The following PLPPR5 variants were observed in gnomAD, a reference collection of about 807,000 sequenced individuals.
PLPPR5 encodes phospholipid phosphatase-related protein type 5.
PLPPR5 carries 16 observed loss-of-function variants against 33.9 expected under a neutral mutation model. The observed-to-expected ratio is 0.47, with a 90% CI of 0.32 to 0.72. The LOEUF is 0.72. Ranked by LOEUF, PLPPR5 falls within the 30% of genes least tolerant of loss-of-function variation. The pLI is 0.03. For synonymous variants in PLPPR5, 163 were observed against 150.3 expected (o/e 1.08, Z -0.62); for missense variants, 301 against 406.7 (o/e 0.74, Z 2.23).
intron 1 of PLPPR5, among the ~76,000 whole-genome samples, chr1:99,003,095 A>G (rs949971641): frequency 3.1e-5 from 4 of 129,338 alleles, no homozygotes; most frequent in Non-Finnish European, 5.0e-5. Flanking sequence ...ATATATATAT[A>G]TGTAAAACAT....
At chr1:98,938,729 T>C (rs1362511473) in intron 3 of PLPPR5, among the ~76,000 whole-genome samples, 1 of 152,060 alleles carries the variant, frequency 6.6e-6, no homozygotes, top group African/African-American at 2.4e-5. Flanking sequence ...GAAGTCTAAA[T>C]TCCCATCAAT....
intron 1 of PLPPR5, among the ~76,000 whole-genome samples, chr1:98,982,678 T>C (rs1652098385): frequency 6.6e-6 from 1 of 152,060 alleles, no homozygotes; most frequent in Admixed American, 6.6e-5. Flanking sequence ...GATCTTTGAA[T>C]TAAATGTGTT....
At chr1:98,991,916 G>C (rs559209447) in intron 1 of PLPPR5, among the ~76,000 whole-genome samples, 22 of 152,172 alleles carry the variant, frequency 1.4e-4, no homozygotes, top group Non-Finnish European at 2.9e-4. Flanking sequence ...AGAGCAAGGA[G>C]GAACACGTAC....
intron 3 of PLPPR5, among the ~76,000 whole-genome samples, chr1:98,938,777 A>G (rs1341504411): frequency 2.0e-5 from 3 of 152,142 alleles, no homozygotes; most frequent in Admixed American, 6.5e-5. Context: ...CATATATACC[A>G]TGGAATACTA....
intron 3 of PLPPR5, among the ~76,000 whole-genome samples, chr1:98,922,303 A>G (rs1302674367): frequency 6.6e-6 from 1 of 152,214 alleles, no homozygotes; most frequent in Non-Finnish European, 1.5e-5. Flanking sequence ...TTAGCATAAC[A>G]TTCTTAATCA....
At chr1:98,994,057 G>A (rs575155021) in intron 1 of PLPPR5, among the ~76,000 whole-genome samples, 2 of 152,148 alleles carry the variant, frequency 1.3e-5, no homozygotes, top group East Asian at 3.9e-4. Context: ...TGAAGGAGTG[G>A]TGGGGGCTGG....
chr1:98,906,949 A>G (rs989723926), intron 5 of PLPPR5, among the ~76,000 whole-genome samples: 9 of 152,186 alleles, frequency 5.9e-5, no homozygotes, highest in Non-Finnish European at 1.2e-4. Flanking sequence ...TTTCTCAGAT[A>G]TCAATTTAAT....
At chr1:98,938,453 T>G (rs970318112) in intron 3 of PLPPR5, among the ~76,000 whole-genome samples, 1 of 148,732 alleles carries the variant, frequency 6.7e-6, no homozygotes, top group East Asian at 1.9e-4. Flanking sequence ...GTATTTTTAC[T>G]GGGTAAGTGC....
At chr1:98,932,595 G>A (rs1357404560) in intron 3 of PLPPR5, among the ~76,000 whole-genome samples, 1 of 152,160 alleles carries the variant, frequency 6.6e-6, no homozygotes, top group African/African-American at 2.4e-5. Flanking sequence ...TTTTAGGTGT[G>A]TAGTAGTTAC....
At chr1:99,002,709 C>T (rs1652896408) in intron 1 of PLPPR5, among the ~76,000 whole-genome samples, 2 of 152,078 alleles carry the variant, frequency 1.3e-5, no homozygotes, top group African/African-American at 4.8e-5. Flanking sequence ...TAGCACCTGC[C>T]ACCATGATTG....
At chr1:98,944,726 G>A (rs1448125581) in intron 3 of PLPPR5, among the ~76,000 whole-genome samples, 1 of 152,240 alleles carries the variant, frequency 6.6e-6, no homozygotes. Flanking sequence ...GCAAGAAAGG[G>A]CTCTGCAGCA....
At chr1:98,963,057 A>G (rs968173975) in intron 1 of PLPPR5, among the ~76,000 whole-genome samples, 2 of 152,210 alleles carry the variant, frequency 1.3e-5, no homozygotes, top group East Asian at 3.9e-4. Context: ...TTACAGCTTC[A>G]GCAATTCCTA....
At chr1:98,999,233 T>C (rs1274617753) in intron 1 of PLPPR5, among the ~76,000 whole-genome samples, 5 of 152,204 alleles carry the variant, frequency 3.3e-5, no homozygotes, top group African/African-American at 4.8e-5. Flanking sequence ...GAAAGCCTAA[T>C]AGGAGCTAAC....
chr1:98,957,452 C>G (rs1375893112), intron 1 of PLPPR5, among the ~76,000 whole-genome samples: 1 of 151,736 alleles, frequency 6.6e-6, no homozygotes, highest in African/African-American at 2.4e-5. Context: ...AGGAAGCACT[C>G]ATTTATTTTT....
intron 3 of PLPPR5, among the ~76,000 whole-genome samples, chr1:98,927,543 A>G (rs1649812232): frequency 6.6e-6 from 1 of 152,156 alleles, no homozygotes; most frequent in African/African-American, 2.4e-5. Flanking sequence ...TGCCCTCCCA[A>G]GCTCTGCTGC....
At chr1:98,942,076 AAGAG>A (rs138044131) in intron 3 of PLPPR5, among the ~76,000 whole-genome samples, 24 of 148,304 alleles carry the variant, frequency 1.6e-4, no homozygotes, top group African/African-American at 4.9e-4. Flanking sequence ...GAGAGGAAGA[AAGAG>A]AGAGAGAGAG....
At chr1:98,907,672 TA>T (rs1339728015) in intron 5 of PLPPR5, among the ~76,000 whole-genome samples, 1 of 152,184 alleles carries the variant, frequency 6.6e-6, no homozygotes, top group Non-Finnish European at 1.5e-5. Context: ...AGTTATCTCT[TA>T]ATGATAACCA....
At chr1:98,944,041 T>C (rs1650468641) in intron 3 of PLPPR5, among the ~76,000 whole-genome samples, 1 of 152,190 alleles carries the variant, frequency 6.6e-6, no homozygotes, top group South Asian at 2.1e-4. Flanking sequence ...TAGTCATTGA[T>C]CACTTATATA....
rs936097769 is a variant in PLPPR5 at position 98,959,825 on chromosome 1, C to T, written c.238-3084G>A. Among the ~76,000 whole-genome samples, 8 of 152,254 alleles carry T rather than the reference C, an allele frequency of 5.3e-5. No individual in the cohort carries two copies. In the South Asian group the frequency reaches 1.7e-3, roughly 32 times the overall value. Reference sequence around the variant, plus strand: ...AAGGTTAAGAAGGTATGTTATGGTACATGAAAATGTCACTGTGGGTAGAGA... The same window carrying T: ...AAGGTTAAGAAGGTATGTTATGGTATATGAAAATGTCACTGTGGGTAGAGA... On this transcript the variant is annotated intron_variant, in intron 1 of 5. Transcript: ENST00000263177.
Sources: gnomAD v4.1 joint callset for allele counts (sites outside exome capture counted in the v4.1 genomes callset) on GRCh38, gnomAD v4.1.1 for gene constraint, MANE v1.5 for transcripts, NCBI Gene and HGNC (gene_info 2026-07-23, HGNC 2026-07-21) for gene names.